CACNA2D3: variants seen among roughly 807,000 people sequenced by gnomAD.
CACNA2D3 encodes calcium voltage-gated channel auxiliary subunit alpha2delta 3.
Under a neutral mutation model 160.6 loss-of-function variants are expected in CACNA2D3, and 60 were observed. The ratio of observed to expected loss-of-function variants is 0.37; its 90% CI spans 0.30 to 0.46. The LOEUF (loss-of-function observed/expected upper bound fraction) is 0.46. Ranked by LOEUF, CACNA2D3 falls within the 20% of genes least tolerant of loss-of-function variation. The pLI is 1.00. For synonymous variants in CACNA2D3, 558 were observed against 492.9 expected (o/e 1.13, Z -1.75); for missense variants, 1,205 against 1,365.0 (o/e 0.88, Z 1.85).
intron 2 of CACNA2D3, among the ~76,000 whole-genome samples, chr3:54,279,723 G>T: frequency 6.6e-6 from 1 of 152,200 alleles, no homozygotes; most frequent in Non-Finnish European, 1.5e-5. Context: ...AAACCATTTC[G>T]AGTTCTAGCA....
intron 4 of CACNA2D3, among the ~76,000 whole-genome samples, chr3:54,391,355 A>C (rs148794292): frequency 0.023 from 3,427 of 152,298 alleles, 51 homozygotes; most frequent in Middle Eastern, 0.048. Flanking sequence ...CTATGGCATT[A>C]GATTGTTAGT....
intron 2 of CACNA2D3, among the ~76,000 whole-genome samples, chr3:54,269,782 G>A (rs1379168295): frequency 6.6e-6 from 1 of 152,202 alleles, no homozygotes; most frequent in South Asian, 2.1e-4. Context: ...TCATGGAACA[G>A]TGTTAGGGAT....
intron 27 of CACNA2D3, among the ~76,000 whole-genome samples, chr3:54,944,703 G>T (rs529866075): frequency 6.6e-6 from 1 of 152,312 alleles, no homozygotes; most frequent in East Asian, 1.9e-4. Context: ...TTACAGGCGT[G>T]AGCCACCGCG....
intron 2 of CACNA2D3, among the ~76,000 whole-genome samples, chr3:54,169,808 A>G (rs901827222): frequency 7.9e-5 from 12 of 151,936 alleles, no homozygotes; most frequent in Non-Finnish European, 1.5e-5. Flanking sequence ...AACATTTCCT[A>G]TATAAGGTGG....
Position 54,304,550 on chromosome 3 carries a change from G to A in CACNA2D3, c.205-15892G>A, listed in dbSNP as rs78600884. ...AAAGATATAAATTGAGGAGTAAACT[G>A]TGATATTTGGGAGAATGAGGATTAA... On this transcript the variant is annotated intron_variant, in intron 2 of 37. Transcript: ENST00000474759. 3.9e-3 allele frequency among the ~76,000 whole-genome samples: 590 copies of A among 152,322 alleles called. 16 individuals are homozygous for A. The East Asian group carries it at 0.063, about 16-fold the overall frequency.
chr3:54,736,148 C>CATATATATATGTATATATAT (rs1701526734), intron 11 of CACNA2D3, among the ~76,000 whole-genome samples: 1 of 124,398 alleles, frequency 8.0e-6, no homozygotes, highest in Non-Finnish European at 1.7e-5. Context: ...TATACACACA[C>CATATATATATGTATATATAT]ACACACACAC....
chr3:54,604,724 C>T lies in CACNA2D3; in HGVS notation c.963+22847C>T, dbSNP rs189606906. 5.4e-3 allele frequency among the ~76,000 whole-genome samples: 819 copies of T among 152,292 alleles called. 6 individuals carry two copies. Among genetic ancestry groups the T allele is most frequent in the Non-Finnish European group, 8.1e-3 (553 of 68,016 alleles). ...TTTCCTGAATCTTGGCAGTAACCTT[C>T]TAATAGGTTGTCCTACCTTTGCCTT... is the stretch of plus-strand genomic sequence containing the variant. On this transcript the variant is annotated intron_variant, in intron 9 of 37. Coordinates refer to ENST00000474759, the MANE Select transcript of CACNA2D3 (RefSeq NM_018398.3).
chr3:54,849,408 C>T (rs1408032440), intron 17 of CACNA2D3, among the ~76,000 whole-genome samples: 1 of 152,166 alleles, frequency 6.6e-6, no homozygotes, highest in Non-Finnish European at 1.5e-5. Context: ...CACCAGTCCC[C>T]TCAGCACAGA....
At chr3:54,276,282 G>C (rs1438072704) in intron 2 of CACNA2D3, among the ~76,000 whole-genome samples, 2 of 152,102 alleles carry the variant, frequency 1.3e-5, no homozygotes, top group African/African-American at 4.8e-5. Flanking sequence ...AGAAAACGAA[G>C]AAAGAGGCCA....
rs79820425 is a variant in CACNA2D3, at chr3:54,982,321, A to G, written c.2557-2287A>G. On this transcript the variant is annotated intron_variant, in intron 29 of 37. Transcript: ENST00000474759. ...TTGAGCCTTGAACCCAAGTTTGATC[A>G]AGCATCTTTGCCTTTCATTAATAGG... 5.3e-3 allele frequency among the ~76,000 whole-genome samples: 806 copies of G among 152,246 alleles called. 7 individuals carry two copies. Among genetic ancestry groups the G allele is most frequent in the African/African-American group, 0.019 (769 of 41,548 alleles).
At chr3:54,885,616 C>T in intron 23 of CACNA2D3, 30 bp downstream of exon 23, 1 of 1,545,688 alleles carries the variant, frequency 6.5e-7, no homozygotes, top group Non-Finnish European at 8.9e-7. Flanking sequence ...TGTGCTGTGC[C>T]TTCAGGGGTG....
intron 2 of CACNA2D3, among the ~76,000 whole-genome samples, chr3:54,267,597 T>C (rs1702543512): frequency 6.6e-6 from 1 of 152,096 alleles, no homozygotes; most frequent in Admixed American, 6.6e-5. Context: ...AACCTCAGAG[T>C]TGGATGTAAG....
chr3:54,435,246 G>A (rs1225171106), intron 4 of CACNA2D3, among the ~76,000 whole-genome samples: 6 of 152,126 alleles, frequency 3.9e-5, no homozygotes, highest in Admixed American at 2.6e-4. Flanking sequence ...AATGGTCCTA[G>A]TTCTGCAGGG....
intron 30 of CACNA2D3, among the ~76,000 whole-genome samples, chr3:54,986,382 T>G (rs1190847337): frequency 1.3e-5 from 2 of 152,170 alleles, no homozygotes; most frequent in African/African-American, 2.4e-5. Context: ...ATTAGGATAA[T>G]TCTTCATCTA....
chr3:54,664,315 A>G (rs1700025482), intron 11 of CACNA2D3, among the ~76,000 whole-genome samples: 1 of 152,202 alleles, frequency 6.6e-6, no homozygotes, highest in South Asian at 2.1e-4. Flanking sequence ...CGTTTCCCCA[A>G]GGTCTCCTTG....
intron 5 of CACNA2D3, among the ~76,000 whole-genome samples, chr3:54,535,549 G>C (rs1701876587): frequency 6.6e-6 from 1 of 151,998 alleles, no homozygotes. Context: ...TATTCTCTCT[G>C]TGCCTGCCAT....
At chr3:54,748,312 G>C (rs1370009504) in intron 11 of CACNA2D3, among the ~76,000 whole-genome samples, 1 of 152,176 alleles carries the variant, frequency 6.6e-6, no homozygotes, top group Non-Finnish European at 1.5e-5. Flanking sequence ...AGGTTAAAAA[G>C]AAGGGTACCC....
At chr3:54,793,501 C>T (rs1475651132) in intron 13 of CACNA2D3, among the ~76,000 whole-genome samples, 2 of 152,204 alleles carry the variant, frequency 1.3e-5, no homozygotes, top group Non-Finnish European at 2.9e-5. Flanking sequence ...TGTGTGGCCT[C>T]AGCATACCAA....
intron 2 of CACNA2D3, among the ~76,000 whole-genome samples, chr3:54,127,370 T>C (rs1020116641): frequency 3.3e-5 from 5 of 152,210 alleles, no homozygotes; most frequent in African/African-American, 1.2e-4. Context: ...AAAGTTGATA[T>C]CTCTTTCCAC....
Sources: gnomAD v4.1 joint callset for allele counts (sites outside exome capture counted in the v4.1 genomes callset) on GRCh38, gnomAD v4.1.1 for gene constraint, MANE v1.5 for transcripts, NCBI Gene and HGNC (gene_info 2026-07-23, HGNC 2026-07-21) for gene names.